Variants in NRG1 observed in about 807,000 individuals in gnomAD.
The protein encoded by NRG1 is pro-neuregulin-1, membrane-bound isoform.
NRG1 carries 18 observed loss-of-function variants against 63.8 expected under a neutral mutation model. The ratio of observed to expected loss-of-function variants is 0.28; its 90% CI spans 0.19 to 0.42. The LOEUF is 0.42. Among genes scored for constraint, NRG1 ranks in the 10% least tolerant of loss-of-function variants. The pLI, the probability that NRG1 is intolerant of heterozygous loss-of-function variation, is 1.00. For synonymous variants in NRG1, 302 were observed against 301.3 expected, an observed-to-expected ratio of 1.00 and a Z score of -0.02; for missense variants, 762 against 814.7, an observed-to-expected ratio of 0.94 and a Z score of 0.79.
exon 1 of NRG1, chr8:31,639,380 C>A (rs1252746503): frequency 6.5e-7 from 1 of 1,534,618 alleles, no homozygotes; most frequent in Non-Finnish European, 8.7e-7. Flanking sequence ...GGTCCCGCTC[C>A]GCTCCGGCAG....
intron 1 of NRG1, among the ~76,000 whole-genome samples, chr8:32,344,602 A>ATTTTT (rs61448713): frequency 1.6e-4 from 16 of 101,176 alleles, no homozygotes; most frequent in African/African-American, 2.9e-4. Flanking sequence ...ACACTCAGCT[A>ATTTTT]TTTTTTTTTT....
At chr8:31,899,281 C>CT (rs1020840077) in intron 1 of NRG1, among the ~76,000 whole-genome samples, 5 of 150,890 alleles carry the variant, frequency 3.3e-5, no homozygotes, top group East Asian at 3.9e-4. Flanking sequence ...TTTATTCTTT[C>CT]TTTTTTTTTG....
At chr8:32,374,642 G>A (rs568227941) in intron 1 of NRG1, among the ~76,000 whole-genome samples, 52 of 152,272 alleles carry the variant, frequency 3.4e-4, no homozygotes, top group African/African-American at 1.2e-3. Context: ...CACCTCCAGG[G>A]CCTTCTTTAC....
chr8:32,531,758 A>G (rs1831474737), intron 1 of NRG1, among the ~76,000 whole-genome samples: 1 of 152,196 alleles, frequency 6.6e-6, no homozygotes. Flanking sequence ...AAAATGAGAA[A>G]GCGCAAAATA....
chr8:32,614,871 T>C (rs1014787943), intron 4 of NRG1, among the ~76,000 whole-genome samples: 1 of 152,132 alleles, frequency 6.6e-6, no homozygotes, highest in African/African-American at 2.4e-5. Context: ...AGTTTTTATG[T>C]CTTTCCAGGT....
Position 32,580,625 on chromosome 8 carries a change from G to A in NRG1, c.101-15203G>A, listed in dbSNP as rs151077468. ...AGAGAATTTAAATAATTTGTCCAAG[G>A]TCAAACAACTAGCATATGGGAGACT... is the stretch of plus-strand genomic sequence containing the variant. On this transcript the variant is annotated intron_variant, in intron 1 of 11. Transcript: ENST00000356819. Among the ~76,000 whole-genome samples the A allele has an allele frequency of 7.6e-3, 1,149 of 152,156 alleles. 11 individuals are homozygous for A. The highest frequency in any genetic ancestry group is 0.025 in the African/African-American group (1,058 of 41,498).
chr8:32,622,937 C>T (rs776801612), intron 5 of NRG1, among the ~76,000 whole-genome samples: 9 of 152,088 alleles, frequency 5.9e-5, no homozygotes, highest in African/African-American at 9.7e-5. Flanking sequence ...GAGAAGGAAA[C>T]GAGTTTATGA....
At chr8:32,200,071 AC>A (rs1170019181) in intron 1 of NRG1, among the ~76,000 whole-genome samples, 6 of 152,114 alleles carry the variant, frequency 3.9e-5, no homozygotes, top group Non-Finnish European at 1.5e-5. Flanking sequence ...TAGCCACTGC[AC>A]CCGGCCTGTT....
chr8:32,536,337 C>T (rs1033980154), intron 1 of NRG1, among the ~76,000 whole-genome samples: 1 of 152,166 alleles, frequency 6.6e-6, no homozygotes, highest in Admixed American at 6.5e-5. Flanking sequence ...CTCTCAGACG[C>T]TGCCCTCAGG....
intron 1 of NRG1, among the ~76,000 whole-genome samples, chr8:31,952,198 C>A (rs1216088738): frequency 6.6e-6 from 1 of 152,180 alleles, no homozygotes; most frequent in Non-Finnish European, 1.5e-5. Flanking sequence ...TATTCAGCAT[C>A]CCTTTAGCGC....
chr8:31,882,772 T>C (rs565583859), intron 1 of NRG1, among the ~76,000 whole-genome samples: 104 of 152,214 alleles, frequency 6.8e-4, no homozygotes, highest in African/African-American at 2.3e-3. Context: ...GTGATGGAAA[T>C]AGCAAGAAAA....
At chr8:32,102,478 A>G (rs1830702007) in intron 1 of NRG1, among the ~76,000 whole-genome samples, 1 of 152,200 alleles carries the variant, frequency 6.6e-6, no homozygotes, top group Non-Finnish European at 1.5e-5. Flanking sequence ...AGTAATACAA[A>G]AGTAAAAGTG....
chr8:32,009,668 CTT>C (rs1264010469), intron 1 of NRG1, among the ~76,000 whole-genome samples: 1 of 151,878 alleles, frequency 6.6e-6, no homozygotes, highest in Non-Finnish European at 1.5e-5. Flanking sequence ...GAGCTTTACT[CTT>C]TGAATCAGGA....
intron 1 of NRG1, among the ~76,000 whole-genome samples, chr8:32,569,675 A>C (rs1030364959): frequency 1.3e-5 from 2 of 151,986 alleles, no homozygotes; most frequent in Non-Finnish European, 2.9e-5. Context: ...GCTTTCTTTC[A>C]TAATTTATCA....
chr8:32,063,618 T>C (rs1189728484), intron 1 of NRG1: 1 of 152,082 alleles, frequency 6.6e-6, no homozygotes, highest in Admixed American at 6.6e-5. Context: ...GAAAGAAACA[T>C]TCAGCTAAGA....
At chr8:31,846,199 A>C (rs1826672476) in intron 1 of NRG1, among the ~76,000 whole-genome samples, 1 of 152,192 alleles carries the variant, frequency 6.6e-6, no homozygotes, top group African/African-American at 2.4e-5. Context: ...TGAATTCTAA[A>C]ATTACCTTAT....
intron 1 of NRG1, among the ~76,000 whole-genome samples, chr8:32,140,632 C>A (rs2131724022): frequency 6.6e-6 from 1 of 151,968 alleles, no homozygotes; most frequent in East Asian, 1.9e-4. Flanking sequence ...TGGCTAATTT[C>A]TTCATTTTTT....
chr8:31,747,295 C>T (rs753327603), intron 1 of NRG1, among the ~76,000 whole-genome samples: 8 of 151,870 alleles, frequency 5.3e-5, no homozygotes, highest in Non-Finnish European at 1.2e-4. Context: ...AATATATACA[C>T]CTACTGTGTA....
chr8:31,769,057 A>G (rs1818358210), intron 1 of NRG1, among the ~76,000 whole-genome samples: 1 of 152,184 alleles, frequency 6.6e-6, no homozygotes, highest in South Asian at 2.1e-4. Context: ...AGGAGAGAAC[A>G]TGTACTCCTT....
Sources: gnomAD v4.1 joint callset for allele counts (sites outside exome capture counted in the v4.1 genomes callset) on GRCh38, gnomAD v4.1.1 for gene constraint, MANE v1.5 for transcripts, NCBI Gene and HGNC (gene_info 2026-07-23, HGNC 2026-07-21) for gene names.